Variants in CSMD3 observed in about 807,000 individuals in gnomAD.
The protein encoded by CSMD3 is CUB and Sushi multiple domains 3.
Under a neutral mutation model 435.2 loss-of-function variants are expected in CSMD3, and 177 were observed. The observed-to-expected ratio is 0.41, with a 90% CI of 0.36 to 0.46. The LOEUF is 0.46. CSMD3 is among the 20% of genes least tolerant of loss of function. CSMD3 has a pLI of 0.34. For missense variants in CSMD3, 4,265 were observed against 4,504.6 expected (o/e 0.95, Z 1.52); for synonymous variants, 1,656 against 1,520.5 (o/e 1.09, Z -2.07).
chr8:112,482,245 A>T (rs888578070), intron 31 of CSMD3, among the ~76,000 whole-genome samples: 1 of 152,186 alleles, frequency 6.6e-6, no homozygotes, highest in African/African-American at 2.4e-5. Context: ...ACAAAGTCCT[A>T]TGAACAGCTA....
chr8:112,361,319 A>G, intron 38 of CSMD3, among the ~76,000 whole-genome samples: 1 of 151,694 alleles, frequency 6.6e-6, no homozygotes, highest in East Asian at 1.9e-4. Context: ...GGACCAATCC[A>G]TACAAAAAAT....
At chr8:112,674,166 G>T (rs1200487440) in intron 16 of CSMD3, among the ~76,000 whole-genome samples, 1 of 152,096 alleles carries the variant, frequency 6.6e-6, no homozygotes, top group Non-Finnish European at 1.5e-5. Flanking sequence ...CTAAAGGAAT[G>T]CCAGCACTTT....
At chr8:112,693,344 G>C (rs1490790859) in intron 13 of CSMD3, among the ~76,000 whole-genome samples, 4 of 151,970 alleles carry the variant, frequency 2.6e-5, no homozygotes, top group Non-Finnish European at 5.9e-5. Flanking sequence ...TCGAAAAATT[G>C]TTTCTGTTAT....
chr8:112,946,689 T>C (rs1485796823), intron 9 of CSMD3, among the ~76,000 whole-genome samples: 1 of 151,770 alleles, frequency 6.6e-6, no homozygotes, highest in African/African-American at 2.4e-5. Context: ...GTATAACATG[T>C]CAAAGTCTGA....
chr8:112,696,502 T>C (rs893595509), intron 13 of CSMD3, among the ~76,000 whole-genome samples: 8 of 152,102 alleles, frequency 5.3e-5, no homozygotes, highest in Non-Finnish European at 8.8e-5. Flanking sequence ...TAAATGGTGC[T>C]GGGAAAACTG....
chr8:112,253,111 A>G (rs934160780), intron 63 of CSMD3, among the ~76,000 whole-genome samples: 3 of 151,944 alleles, frequency 2.0e-5, no homozygotes, highest in African/African-American at 7.2e-5. Context: ...CGACACTAAC[A>G]TCACAATTTT....
At chr8:112,434,543 T>A (rs1814097283) in intron 32 of CSMD3, among the ~76,000 whole-genome samples, 1 of 152,138 alleles carries the variant, frequency 6.6e-6, no homozygotes, top group Non-Finnish European at 1.5e-5. Flanking sequence ...AATGCTGTAT[T>A]GTTATTAATA....
At chr8:112,697,260 A>C (rs180747066) in intron 13 of CSMD3, among the ~76,000 whole-genome samples, 128 of 152,286 alleles carry the variant, frequency 8.4e-4, no homozygotes, top group African/African-American at 2.8e-3. Context: ...TCATGCTGCT[A>C]TAAAGACACA....
At chr8:112,354,851 G>A (rs558414386) in intron 38 of CSMD3, among the ~76,000 whole-genome samples, 3 of 152,138 alleles carry the variant, frequency 2.0e-5, no homozygotes, top group African/African-American at 7.2e-5. Flanking sequence ...AAAAAACTGT[G>A]CTAAAATTCA....
At chr8:112,335,796 T>C (rs1252493895) in intron 44 of CSMD3, among the ~76,000 whole-genome samples, 1 of 152,018 alleles carries the variant, frequency 6.6e-6, no homozygotes, top group East Asian at 1.9e-4. Flanking sequence ...TTGCCCCTCT[T>C]TTATTTTCTT....
intron 32 of CSMD3, among the ~76,000 whole-genome samples, chr8:112,425,136 A>G (rs564479766): frequency 2.0e-5 from 3 of 152,338 alleles, no homozygotes; most frequent in African/African-American, 7.2e-5. Context: ...AATAACCATT[A>G]ATCAAAAAGC....
intron 63 of CSMD3, 41 bp from the exon 64 acceptor site, chr8:112,247,172 A>G (rs1814817746): frequency 8.2e-7 from 1 of 1,225,020 alleles, no homozygotes; most frequent in Non-Finnish European, 1.2e-6. Flanking sequence ...TTCCCCTACA[A>G]CTTCAAATAT....
intron 3 of CSMD3, among the ~76,000 whole-genome samples, chr8:113,221,323 T>G (rs973238991): frequency 2.7e-5 from 4 of 147,756 alleles, no homozygotes; most frequent in Non-Finnish European, 6.0e-5. Context: ...CATTCTCAAA[T>G]GACTTAGGAG....
intron 21 of CSMD3, among the ~76,000 whole-genome samples, chr8:112,637,650 A>G (rs2074700065): frequency 2.0e-5 from 3 of 152,148 alleles, no homozygotes; most frequent in African/African-American, 7.2e-5. Flanking sequence ...TTGATTAAAC[A>G]TTATAATTTA....
intron 4 of CSMD3, among the ~76,000 whole-genome samples, chr8:113,140,630 G>A (rs1251611735): frequency 6.6e-6 from 1 of 150,900 alleles, no homozygotes; most frequent in African/African-American, 2.4e-5. Flanking sequence ...TCAAAAATGT[G>A]GACACTAAAC....
At chr8:112,497,453 G>C (rs1461039433) in intron 30 of CSMD3, among the ~76,000 whole-genome samples, 1 of 147,704 alleles carries the variant, frequency 6.8e-6, no homozygotes, top group Non-Finnish European at 1.5e-5. Flanking sequence ...TTGTGCACCT[G>C]TATCAAAATA....
chr8:113,081,200 T>C (rs2089549277), intron 5 of CSMD3, among the ~76,000 whole-genome samples: 2 of 152,118 alleles, frequency 1.3e-5, no homozygotes, highest in South Asian at 4.1e-4. Flanking sequence ...CTTTAAATAA[T>C]AGAATTTTAT....
intron 21 of CSMD3, among the ~76,000 whole-genome samples, chr8:112,637,285 GT>G (rs1405071450): frequency 6.6e-6 from 1 of 152,024 alleles, no homozygotes; most frequent in Non-Finnish European, 1.5e-5. Flanking sequence ...TTATCTTATT[GT>G]TTTTTCTGCA....
chr8:113,194,594 T>C (rs193051965), intron 3 of CSMD3, among the ~76,000 whole-genome samples: 80 of 151,432 alleles, frequency 5.3e-4, no homozygotes, highest in African/African-American at 1.7e-3. Context: ...TAGTAACAAA[T>C]GTATCATTCT....
Sources: gnomAD v4.1 joint callset for allele counts (sites outside exome capture counted in the v4.1 genomes callset) on GRCh38, gnomAD v4.1.1 for gene constraint, MANE v1.5 for transcripts, NCBI Gene and HGNC (gene_info 2026-07-23, HGNC 2026-07-21) for gene names.